Variants in PRKCQ observed in about 807,000 individuals in gnomAD.
PRKCQ encodes the protein protein kinase C theta.
In PRKCQ, 41 loss-of-function variants were observed where a neutral mutation model predicts 91.2. The observed-to-expected ratio is 0.45, with a 90% CI of 0.35 to 0.58. The LOEUF (loss-of-function observed/expected upper bound fraction) is 0.58. PRKCQ is among the 20% of genes least tolerant of loss of function. The pLI is 0.00. For missense variants in PRKCQ, 673 were observed against 896.5 expected, an observed-to-expected ratio of 0.75 and a Z score of 3.18; for synonymous variants, 307 against 316.9, an observed-to-expected ratio of 0.97 and a Z score of 0.33.
intron 12 of PRKCQ, among the ~76,000 whole-genome samples, chr10:6,467,389 C>CAGAGAGAGAGAGAGAGAGAGAGAGAG (rs1160599680): frequency 7.2e-5 from 2 of 27,770 alleles, no homozygotes; most frequent in African/African-American, 3.3e-4. Flanking sequence ...GAGAGACAGA[C>CAGAGAGAGAGAGAGAGAGAGAGAGAG]AGAGAGAGAG....
intron 1 of PRKCQ, among the ~76,000 whole-genome samples, chr10:6,543,605 C>G (rs898299216): frequency 6.6e-6 from 1 of 152,174 alleles, no homozygotes; most frequent in Non-Finnish European, 1.5e-5. Context: ...GGAAAGCAAA[C>G]ACACACCTCC....
intron 1 of PRKCQ, among the ~76,000 whole-genome samples, chr10:6,551,322 A>G (rs1231049867): frequency 6.6e-6 from 1 of 152,176 alleles, no homozygotes; most frequent in Non-Finnish European, 1.5e-5. Context: ...CGTTTCTGCA[A>G]AAGTCCTGGT....
At chr10:6,495,837 C>T (rs1423439792) in intron 7 of PRKCQ, among the ~76,000 whole-genome samples, 1 of 152,080 alleles carries the variant, frequency 6.6e-6, no homozygotes, top group Non-Finnish European at 1.5e-5. Flanking sequence ...TGAAAATTAC[C>T]TATTGGGTGT....
the PRKCQ span, among the ~76,000 whole-genome samples, chr10:6,414,558 T>C: frequency 6.6e-6 from 1 of 152,154 alleles, no homozygotes; most frequent in Non-Finnish European, 1.5e-5. Flanking sequence ...ATAACTGCAT[T>C]CCATACATTC....
intron 3 of PRKCQ, among the ~76,000 whole-genome samples, chr10:6,509,717 C>A (rs1051492116): frequency 3.3e-5 from 5 of 152,190 alleles, no homozygotes; most frequent in African/African-American, 9.7e-5. Context: ...CCCCAGGAAC[C>A]CTTTTCCCAA....
intron 1 of PRKCQ, among the ~76,000 whole-genome samples, chr10:6,516,699 A>G (rs1365962319): frequency 6.6e-6 from 1 of 152,140 alleles, no homozygotes; most frequent in East Asian, 1.9e-4. Context: ...GTTTGAGTCT[A>G]GAGGGATCAC....
chr10:6,394,199 G>T, the PRKCQ span, among the ~76,000 whole-genome samples: 1 of 152,164 alleles, frequency 6.6e-6, no homozygotes, highest in South Asian at 2.1e-4. Flanking sequence ...TGATAAGCAG[G>T]GTGTAGCACT....
intron 1 of PRKCQ, among the ~76,000 whole-genome samples, chr10:6,536,565 A>G (rs1348871620): frequency 6.6e-6 from 1 of 152,220 alleles, no homozygotes; most frequent in Non-Finnish European, 1.5e-5. Flanking sequence ...ATACGATTTT[A>G]TTATTATGCT....
intron 11 of PRKCQ, among the ~76,000 whole-genome samples, chr10:6,481,288 C>T (rs1836584768): frequency 6.6e-6 from 1 of 152,208 alleles, no homozygotes; most frequent in Non-Finnish European, 1.5e-5. Context: ...GAAAGATAAA[C>T]ATTTCATTAA....
intron 1 of PRKCQ, among the ~76,000 whole-genome samples, chr10:6,528,808 C>T (rs1043272939): frequency 2.0e-5 from 3 of 152,238 alleles, no homozygotes; most frequent in Non-Finnish European, 4.4e-5. Flanking sequence ...TCGCTGTAGA[C>T]TGTTTCTGTC....
In PRKCQ at chr10:6,430,754, G is replaced by T; in HGVS notation, c.1965+56C>A. On this transcript the variant is annotated intron_variant, in intron 17 of 17. Coordinates refer to ENST00000263125, the MANE Select transcript of PRKCQ (RefSeq NM_006257.5). This position sits in a 1 kb window ranked among gnomAD's most constrained non-coding sequence, Gnocchi z 4.7. ...GCTGCGGTGACTTGGACAGGCAGAC[G>T]GCCCTGAGCGGAGGGAGAGTGGCTG... is the stretch of plus-strand genomic sequence containing the variant. 1 of 1,585,008 alleles carries T rather than the reference G, an allele frequency of 6.3e-7. No individual in the cohort carries two copies. Among genetic ancestry groups the T allele is most frequent in the Non-Finnish European group, 8.6e-7 (1 of 1,163,750 alleles).
At chr10:6,543,897 C>T (rs544696070) in intron 1 of PRKCQ, among the ~76,000 whole-genome samples, 4 of 152,150 alleles carry the variant, frequency 2.6e-5, no homozygotes, top group Admixed American at 6.5e-5. Flanking sequence ...GTTGTCAGGA[C>T]CGAAAGAGCA....
intron 1 of PRKCQ, among the ~76,000 whole-genome samples, chr10:6,567,044 G>T (rs369694426): frequency 6.6e-6 from 1 of 152,152 alleles, no homozygotes; most frequent in Non-Finnish European, 1.5e-5. Flanking sequence ...TGTGCTGAGA[G>T]TTAAAGAGAG....
rs1834883598 is a variant in PRKCQ at position 6,454,210 on chromosome 10, TAGAC to T, written c.1647+2460_1647+2463del. ...ACAATGTATATGATTCATATATAAA[TAGAC>T]AGATCTTGGGGATGCTTTTCTAACA... On this transcript the variant is annotated intron_variant, in intron 15 of 17. Coordinates refer to ENST00000263125, the MANE Select transcript of PRKCQ (RefSeq NM_006257.5). Among the ~76,000 whole-genome samples the T allele has an allele frequency of 4.6e-5, 7 of 152,308 alleles. No individual in the cohort carries two copies. In the South Asian group the frequency reaches 1.4e-3, roughly 32 times the overall value.
rs535491880 is a variant in PRKCQ at position 6,439,058 on chromosome 10, G to A, written c.1836+2835C>T. 1.2e-4 allele frequency among the ~76,000 whole-genome samples: 18 copies of A among 152,320 alleles called. No homozygotes were observed. The South Asian group carries it at 3.7e-3, about 32-fold the overall frequency. ...ACAACTTGCTACGCCCATACACTGT[G>A]GAGAATATTTCGCATCCTCAAAAAA... On this transcript the variant is annotated intron_variant, in intron 16 of 17. Transcript: ENST00000263125.
At chr10:6,562,153 C>A (rs980760334) in intron 1 of PRKCQ, among the ~76,000 whole-genome samples, 1 of 152,182 alleles carries the variant, frequency 6.6e-6, no homozygotes, top group East Asian at 1.9e-4. Context: ...TAAGGAAGAA[C>A]GAAGGAGAAG....
chr10:6,536,320 A>G (rs1839581117), intron 1 of PRKCQ, among the ~76,000 whole-genome samples: 1 of 152,030 alleles, frequency 6.6e-6, no homozygotes. Flanking sequence ...GTGTCAAATC[A>G]CCTTGGCAGT....
At chr10:6,502,984 T>C (rs1347405450) in intron 4 of PRKCQ, among the ~76,000 whole-genome samples, 2 of 152,206 alleles carry the variant, frequency 1.3e-5, no homozygotes, top group Non-Finnish European at 2.9e-5. Context: ...CATAGGAATG[T>C]CATCTAATAC....
At position 6,507,478 on chromosome 10, in the gene PRKCQ, C is replaced by T. The variant is rs769257651; in HGVS notation, c.337G>A (p.Gly113Ser). 3.7e-6 allele frequency: 6 copies of T among 1,613,750 alleles called. No homozygotes were observed. The highest frequency in any genetic ancestry group is 5.1e-6 in the Non-Finnish European group (6 of 1,179,728). Reference protein sequence around the residue: ...TEIWLELKPQGRMLMNARYFL... With the variant: ...TEIWLELKPQSRMLMNARYFL... ...TATCTTGCATTCATTAGCATTCGGC[C>T]TTGAGGTTTCAGCTCTAACTGGTTG... The change falls in exon 4 of 18, where the codon GGC becomes AGC. Residue 113 changes from glycine (G) to serine (S), a missense_variant. Gly to Ser is a moderately conservative substitution (Grantham distance 56). Transcript: ENST00000263125.
Sources: allele counts gnomAD v4.1 joint callset (sites outside exome capture counted in the v4.1 genomes callset), GRCh38; gene constraint gnomAD v4.1.1; non-coding constraint Gnocchi (gnomAD v3.1); transcripts MANE v1.5; gene names NCBI Gene and HGNC (gene_info 2026-07-23, HGNC 2026-07-21).